AVEN: variants seen among roughly 807,000 people sequenced by gnomAD.
The protein encoded by AVEN is cell death regulator Aven.
Under a neutral mutation model 38.1 loss-of-function variants are expected in AVEN, and 41 were observed. The ratio of observed to expected loss-of-function variants is 1.08; its 90% CI spans 0.84 to 1.40. The LOEUF is 1.40. Ranked by LOEUF, AVEN falls within the 40% of genes most tolerant of loss-of-function variation. The probability of loss-of-function intolerance (pLI) is 0.00; values close to 1 mark genes in which losing one functional copy is unlikely to be tolerated. For synonymous variants in AVEN, 206 were observed against 171.8 expected, an observed-to-expected ratio of 1.20 and a Z score of -1.56; for missense variants, 605 against 438.8, an observed-to-expected ratio of 1.38 and a Z score of -3.38.
chr15:33,870,833 A>ATC (rs1890915548), intron 4 of AVEN, 102 bp downstream of exon 4: 1 of 761,432 alleles, frequency 1.3e-6, no homozygotes, highest in Non-Finnish European at 2.0e-6. Flanking sequence ...TCACTTTTAT[A>ATC]AAGGGAAGCT....
At chr15:33,864,971 A>ACAGCCTGT, downstream of AVEN, 1 of 565,344 alleles carries the variant, frequency 1.8e-6, no homozygotes, top group Non-Finnish European at 3.1e-6. Flanking sequence ...TGCTTCCCAA[A>ACAGCCTGT]CAGCCTGTGC....
chr15:34,036,000 T>C (rs1424234826), intron 1 of AVEN, among the ~76,000 whole-genome samples: 1 of 152,112 alleles, frequency 6.6e-6, no homozygotes, highest in East Asian at 1.9e-4. Context: ...CTCGTTATGT[T>C]GCCCAGTCTG....
chr15:33,898,120 C>A (rs538588016), intron 2 of AVEN, among the ~76,000 whole-genome samples: 1 of 151,826 alleles, frequency 6.6e-6, no homozygotes, highest in African/African-American at 2.4e-5. Context: ...ACCAGGGAGG[C>A]AAAGCTTGCA....
At chr15:33,964,337 T>C (rs1895308708) in intron 2 of AVEN, among the ~76,000 whole-genome samples, 1 of 152,052 alleles carries the variant, frequency 6.6e-6, no homozygotes. Context: ...GGATGACAAA[T>C]TAGGAAAGAG....
chr15:34,017,558 G>A (rs1401175989), intron 1 of AVEN, among the ~76,000 whole-genome samples: 2 of 134,264 alleles, frequency 1.5e-5, no homozygotes, highest in East Asian at 4.7e-4. Context: ...TCAGCTTATT[G>A]CAACCTCCAT....
intron 3 of AVEN, among the ~76,000 whole-genome samples, chr15:33,873,716 C>T (rs529589030): frequency 7.9e-5 from 12 of 152,012 alleles, no homozygotes; most frequent in African/African-American, 2.9e-4. Flanking sequence ...TCAGCCATGT[C>T]CTACCAACAC....
intron 2 of AVEN, among the ~76,000 whole-genome samples, chr15:33,984,563 C>T (rs1009744059): frequency 9.2e-5 from 14 of 152,138 alleles, no homozygotes; most frequent in African/African-American, 2.9e-4. Flanking sequence ...CCATCACACC[C>T]GGCTAATTTT....
At chr15:33,940,578 G>A (rs907435550) in intron 2 of AVEN, among the ~76,000 whole-genome samples, 13 of 151,864 alleles carry the variant, frequency 8.6e-5, no homozygotes, top group African/African-American at 3.1e-4. Flanking sequence ...GTCTCGCTCT[G>A]TTGCCCAGGC....
At chr15:33,996,448 T>C (rs1234004424) in intron 2 of AVEN, among the ~76,000 whole-genome samples, 4 of 152,186 alleles carry the variant, frequency 2.6e-5, no homozygotes, top group African/African-American at 9.6e-5. Context: ...TGACACCTCA[T>C]ACAGGCGGGT....
chr15:33,933,652 C>G (rs1163482740), intron 2 of AVEN, among the ~76,000 whole-genome samples: 1 of 151,932 alleles, frequency 6.6e-6, no homozygotes, highest in Non-Finnish European at 1.5e-5. Context: ...AGGGCCTGTA[C>G]AAACTGAGTT....
chr15:34,005,717 T>A (rs923311910), intron 1 of AVEN, among the ~76,000 whole-genome samples: 1 of 152,160 alleles, frequency 6.6e-6, no homozygotes, highest in Non-Finnish European at 1.5e-5. Context: ...AATTTCTAGT[T>A]CCCCAACCAT....
chr15:33,873,163 G>A (rs1315638774), intron 3 of AVEN, among the ~76,000 whole-genome samples: 2 of 129,236 alleles, frequency 1.5e-5, no homozygotes, highest in Non-Finnish European at 3.1e-5. Context: ...GCAATGGCAC[G>A]ATCTCGGCTC....
At position 33,868,544 on chromosome 15, in the gene AVEN, CAAAAAAAAA is replaced by C. The variant is rs35851228; in HGVS notation, c.613-698_613-690del. ...TGGGCAACAGAATGAGACTCCGTCT[CAAAAAAAAA>C]AAAAAAAAAAAAAAAGTCACCAGGA... On this transcript the variant is annotated intron_variant, in intron 4 of 5. Transcript: ENST00000306730. Among the ~76,000 whole-genome samples, 12 of 66,252 alleles carry C rather than the reference CAAAAAAAAA, an allele frequency of 1.8e-4. No individual in the cohort carries two copies. In the East Asian group the frequency reaches 5.2e-3, roughly 29 times the overall value. 43.5% of individuals were successfully genotyped at this position (66,252 alleles called of 152,430 possible).
chr15:33,861,041 GC>G (rs757151813), intron 11 of AVEN: 23 of 1,427,082 alleles, frequency 1.6e-5, no homozygotes, highest in Non-Finnish European at 2.1e-5. Context: ...CCTATATTAT[GC>G]CAACAAATGC....
Position 33,965,258 on chromosome 15 carries a change from T to C in AVEN, c.445+37774A>G, listed in dbSNP as rs184459795. 6.6e-5 allele frequency among the ~76,000 whole-genome samples: 10 copies of C among 152,334 alleles called. No individual in the cohort carries two copies. The East Asian group carries it at 1.9e-3, about 29-fold the overall frequency. On this transcript the variant is annotated intron_variant, in intron 2 of 5. Transcript: ENST00000306730. ...CAACAAGAATTTAAAAGCATATTTA[T>C]TTTAGAAACAGCTTCCATAAGTCCA...
At chr15:33,993,030 T>G (rs1248595098) in intron 2 of AVEN, among the ~76,000 whole-genome samples, 1 of 152,262 alleles carries the variant, frequency 6.6e-6, no homozygotes, top group Non-Finnish European at 1.5e-5. Flanking sequence ...CCCCACGTTT[T>G]CTTCAATATT....
intron 2 of AVEN, among the ~76,000 whole-genome samples, chr15:33,943,403 G>A (rs929909476): frequency 6.7e-6 from 1 of 149,634 alleles, no homozygotes; most frequent in Admixed American, 6.6e-5. Context: ...ATCTAAAGTA[G>A]TCAAATTCAT....
chr15:34,053,892 A>G (rs1900034101), intron 5 of AVEN, among the ~76,000 whole-genome samples: 1 of 152,144 alleles, frequency 6.6e-6, no homozygotes, highest in Non-Finnish European at 1.5e-5. Context: ...TGAATAGACA[A>G]CTTACAGAAT....
chr15:34,016,677 A>C (rs931594899), intron 1 of AVEN, among the ~76,000 whole-genome samples: 1 of 152,218 alleles, frequency 6.6e-6, no homozygotes, highest in African/African-American at 2.4e-5. Context: ...TGGAGTATGT[A>C]ATCAGAAACA....
Sources: gnomAD v4.1 joint callset for allele counts (sites outside exome capture counted in the v4.1 genomes callset) on GRCh38, gnomAD v4.1.1 for gene constraint, MANE v1.5 for transcripts, NCBI Gene and HGNC (gene_info 2026-07-23, HGNC 2026-07-21) for gene names.